The following MICALL1 variants were observed in gnomAD, a reference collection of about 807,000 sequenced individuals.
MICALL1 encodes the protein MICAL like 1.
MICALL1 carries 61 observed loss-of-function variants against 83.7 expected under a neutral mutation model. The observed-to-expected ratio is 0.73, with a 90% CI of 0.59 to 0.90. The LOEUF is 0.90. Ranked by LOEUF, MICALL1 falls within the 40% of genes least tolerant of loss-of-function variation. The pLI, the probability that MICALL1 is intolerant of heterozygous loss-of-function variation, is 0.00. For missense variants in MICALL1, 1,066 were observed against 1,152.0 expected (o/e 0.93, Z 1.08); for synonymous variants, 481 against 473.6 (o/e 1.02, Z -0.20).
Position 37,932,142 on chromosome 22 carries a change from C to A in MICALL1, c.2016+209C>A, listed in dbSNP as rs889878158. On this transcript the variant is annotated intron_variant, in intron 10 of 15. Coordinates refer to ENST00000215957, the MANE Select transcript of MICALL1 (RefSeq NM_033386.4). This position sits in a 1 kb window ranked among gnomAD's most constrained non-coding sequence, Gnocchi z 4.4. ...CAGATCAGCCCTTCACCACCAAAAG[C>A]AGTGGGTGGTGCATTTAATTTGTTA... Among the ~76,000 whole-genome samples the A allele has an allele frequency of 6.6e-6, 1 of 152,242 alleles. No individual in the cohort carries two copies. Among genetic ancestry groups the A allele is most frequent in the African/African-American group, 2.4e-5 (1 of 41,460 alleles).
At position 37,906,645 on chromosome 22, in the gene MICALL1, G is replaced by C; in HGVS notation, c.146+77G>C. 1 of 1,119,748 alleles carries C rather than the reference G, an allele frequency of 8.9e-7. No homozygotes were observed. Among genetic ancestry groups the C allele is most frequent in the Non-Finnish European group, 1.1e-6 (1 of 913,172 alleles). 69.4% of individuals were successfully genotyped at this position (1,119,748 alleles called of 1,614,324 possible). A position where few individuals can be genotyped will look rare whatever the true frequency, so the allele number is the denominator to read the frequency against. ...GACCGCCGCCCCCCCTCAGTAACAC[G>C]AAGCCCGGGCGGTGACAGGCGCCGC... On this transcript the variant is annotated intron_variant, in intron 1 of 15. Transcript: ENST00000215957. The surrounding 1 kb of genome is among the most constrained non-coding windows in gnomAD (Gnocchi z 4.4).
rs1308458632 is a variant in MICALL1 at position 37,922,803 on chromosome 22, T to TG, written c.1024+377_1024+378insG. Among the ~76,000 whole-genome samples, 197 of 138,546 alleles carry TG rather than the reference T, an allele frequency of 1.4e-3. No homozygotes were observed. In the Middle Eastern group the frequency reaches 0.022, roughly 15 times the overall value. The allele number at this position is 138,546 out of a possible 152,430, so 90.9% of individuals were successfully genotyped here. On this transcript the variant is annotated intron_variant, in intron 6 of 15. Coordinates refer to ENST00000215957, the MANE Select transcript of MICALL1 (RefSeq NM_033386.4). ...TTTGTTTTGTTTTTTTTTGTTTTTT[T>TG]TTTTTTTTTTTTTTAGTAGAGACGG...
intron 13 of MICALL1, among the ~76,000 whole-genome samples, chr22:37,933,565 C>A (rs748098442): frequency 1.3e-5 from 2 of 152,114 alleles, no homozygotes; most frequent in Non-Finnish European, 2.9e-5. Context: ...GTTCTTGGGA[C>A]CAGGAGACAG....
chr22:37,906,450 G>T lies in MICALL1; in HGVS notation c.28G>T (p.Ala10Ser). 1 of 1,198,098 alleles carries T rather than the reference G, an allele frequency of 8.3e-7. No individual in the cohort carries two copies. The highest frequency in any genetic ancestry group is 3.3e-4 in the Middle Eastern group (1 of 3,042). 74.2% of individuals were successfully genotyped at this position (1,198,098 alleles called of 1,614,324 possible). MAGPRGALL[A>S]WCRRQCEGYR... ...GGCTGGGCCGCGGGGCGCGCTGCTG[G>T]CCTGGTGCCGCCGCCAGTGCGAGGG... The change falls in exon 1 of 16, where the codon GCC becomes TCC. Residue 10 changes from alanine to serine, a missense_variant. Ala to Ser is a moderately conservative substitution (Grantham distance 99). Coordinates refer to ENST00000215957, the MANE Select transcript of MICALL1 (RefSeq NM_033386.4). The surrounding 1 kb of genome is among the most constrained non-coding windows in gnomAD (Gnocchi z 4.4).
rs771200625 is a variant in MICALL1, at chr22:37,912,504, A to C, written c.337+12A>C. 1.3e-6 allele frequency: 2 copies of C among 1,584,584 alleles called. No individual in the cohort carries two copies. Among genetic ancestry groups the C allele is most frequent in the African/African-American group, 2.7e-5 (2 of 74,394 alleles). On this transcript the variant is annotated intron_variant, in intron 3 of 15. Transcript: ENST00000215957. The stretch of plus-strand genomic sequence containing the variant: ...CAGTCCTGGCCAAGGTGAGAGGGGG[A>C]CTCAGCGTTTCACGGAGGCTGGCCC...
At chr22:37,925,077 G>A (rs1254149494) in intron 7 of MICALL1, among the ~76,000 whole-genome samples, 2 of 152,174 alleles carry the variant, frequency 1.3e-5, no homozygotes, top group African/African-American at 4.8e-5. Flanking sequence ...AAGCTCAGCT[G>A]TAGTACCAGT....
At chr22:37,914,911 G>T (rs1928580757) in intron 3 of MICALL1, among the ~76,000 whole-genome samples, 1 of 150,704 alleles carries the variant, frequency 6.6e-6, no homozygotes, top group Non-Finnish European at 1.5e-5. Flanking sequence ...CAAAGTGCTG[G>T]GATTACAGGC....
chr22:37,922,941 T>A (rs1333903203), intron 6 of MICALL1, among the ~76,000 whole-genome samples: 2 of 147,926 alleles, frequency 1.4e-5, no homozygotes, highest in Non-Finnish European at 3.0e-5. Context: ...CCCAGCCTAT[T>A]ATTATTATTT....
chr22:37,911,792 C>T (rs1279951406), intron 1 of MICALL1, among the ~76,000 whole-genome samples, 160 bp from the exon 2 acceptor site: 1 of 152,128 alleles, frequency 6.6e-6, no homozygotes, highest in Non-Finnish European at 1.5e-5. Flanking sequence ...GCCTCAGTTT[C>T]CCCCTTAGTA....
chr22:37,922,025 A>AG lies in MICALL1; in HGVS notation c.625dup (p.Glu209GlyfsTer58), dbSNP rs751428163. On this transcript the variant is annotated frameshift_variant, in exon 6 of 16. Coordinates refer to ENST00000215957, the MANE Select transcript of MICALL1 (RefSeq NM_033386.4). LOFTEE classifies it high-confidence loss of function. ...CCTGGGGCTTATGAGAATGGGCCTG[A>AG]GGAGGGCACCTTTGTGTGTGCAGAA... 6.2e-7 allele frequency: 1 copy of AG among 1,611,618 alleles called. No individual in the cohort carries two copies. The highest frequency in any genetic ancestry group is 8.5e-7 in the Non-Finnish European group (1 of 1,178,672).
chr22:37,926,061 A>G lies in MICALL1; in HGVS notation c.1465+18A>G. ...CCCACTGGGTGAGTGCCTTTCCTGG[A>G]GCTCTCCTGACAGTCGGAACTCGGG... On this transcript the variant is annotated intron_variant, in intron 8 of 15. Transcript: ENST00000215957. 3 of 1,569,930 alleles carry G rather than the reference A, an allele frequency of 1.9e-6. No homozygotes were observed. The highest frequency in any genetic ancestry group is 2.6e-6 in the Non-Finnish European group (3 of 1,155,552).
In MICALL1 at chr22:37,906,629, C is replaced by T; in HGVS notation, c.146+61C>T. 3.5e-6 allele frequency: 4 copies of T among 1,135,154 alleles called. No individual in the cohort carries two copies. The highest frequency in any genetic ancestry group is 4.3e-6 in the Non-Finnish European group (4 of 923,004). The allele number at this position is 1,135,154 out of a possible 1,614,324, so 70.3% of individuals were successfully genotyped here. A position where few individuals can be genotyped will look rare whatever the true frequency, so the allele number is the denominator to read the frequency against. On this transcript the variant is annotated intron_variant, in intron 1 of 15. Coordinates refer to ENST00000215957, the MANE Select transcript of MICALL1 (RefSeq NM_033386.4). This position sits in a 1 kb window ranked among gnomAD's most constrained non-coding sequence, Gnocchi z 4.4. ...GGCGGGCTGGGGCCGCGACCGCCGCCCCCCCTCAGTAACACGAAGCCCGGG... is the reference window on the plus strand; with the variant it reads ...GGCGGGCTGGGGCCGCGACCGCCGCTCCCCCTCAGTAACACGAAGCCCGGG...
chr22:37,938,534 A>G (rs1227793119), intron 15 of MICALL1, among the ~76,000 whole-genome samples: 6 of 150,322 alleles, frequency 4.0e-5, no homozygotes, highest in African/African-American at 1.2e-4. Flanking sequence ...GCTTACTGCA[A>G]TCTCTGCCTC....
At chr22:37,928,063 C>A (rs765313685) in intron 9 of MICALL1, among the ~76,000 whole-genome samples, 1 of 151,460 alleles carries the variant, frequency 6.6e-6, no homozygotes, top group Non-Finnish European at 1.5e-5. Flanking sequence ...CCCACCACCA[C>A]GCCCGGCTAA....
chr22:37,934,572 TG>T (rs5845359), intron 13 of MICALL1, among the ~76,000 whole-genome samples: 3,014 of 143,652 alleles, frequency 0.021, 56 homozygotes, highest in African/African-American at 0.036. Flanking sequence ...TTATTTATTT[TG>T]GGGGGGGGTA....
chr22:37,936,935 C>T lies in MICALL1; in HGVS notation c.2309-145C>T, dbSNP rs780111829. On this transcript the variant is annotated intron_variant, in intron 13 of 15. Coordinates refer to ENST00000215957, the MANE Select transcript of MICALL1 (RefSeq NM_033386.4). Reference sequence around the variant, plus strand: ...AAAAGAACTTGTAAGCCCCACCTATCGGGGCCCTTCCTTTCTGCGCTTAGT... The same window carrying T: ...AAAAGAACTTGTAAGCCCCACCTATTGGGGCCCTTCCTTTCTGCGCTTAGT... 1.2e-4 allele frequency: 77 copies of T among 616,376 alleles called. 1 individual carries two copies. The highest frequency in any genetic ancestry group is 1.8e-4 in the Non-Finnish European group (64 of 353,732). 38.2% of individuals were successfully genotyped at this position (616,376 alleles called of 1,614,324 possible).
intron 3 of MICALL1, among the ~76,000 whole-genome samples, chr22:37,914,538 C>T (rs1928549994): frequency 6.7e-6 from 1 of 150,096 alleles, no homozygotes; most frequent in Non-Finnish European, 1.5e-5. Context: ...TCTTTTCTTT[C>T]ATTATATATA....
chr22:37,906,393 C>A lies in MICALL1; in HGVS notation c.-30C>A. 9.2e-7 allele frequency: 1 copy of A among 1,084,980 alleles called. No individual in the cohort carries two copies. The highest frequency in any genetic ancestry group is 1.1e-6 in the Non-Finnish European group (1 of 894,710). The allele number at this position is 1,084,980 out of a possible 1,614,324, so 67.2% of individuals were successfully genotyped here. ...CCCGGCCAAGCCGGGGCCCCGAAGC[C>A]AGAGCCGGAGCCGGGCGGGCCGCGG... On this transcript the variant is annotated 5_prime_UTR_variant, in exon 1 of 16. Coordinates refer to ENST00000215957, the MANE Select transcript of MICALL1 (RefSeq NM_033386.4). The surrounding 1 kb of genome is among the most constrained non-coding windows in gnomAD (Gnocchi z 4.4).
At chr22:37,928,852 G>A (rs1052251827) in intron 9 of MICALL1, among the ~76,000 whole-genome samples, 1 of 152,152 alleles carries the variant, frequency 6.6e-6, no homozygotes. Flanking sequence ...GGCTGGGCGT[G>A]GTGGCTCACA....
Sources: gnomAD v4.1 joint callset for allele counts (sites outside exome capture counted in the v4.1 genomes callset) on GRCh38, gnomAD v4.1.1 for gene constraint, Gnocchi (gnomAD v3.1) non-coding constraint, MANE v1.5 for transcripts, NCBI Gene and HGNC (gene_info 2026-07-23, HGNC 2026-07-21) for gene names.